Variants in BMP5 observed in about 807,000 individuals in gnomAD.
BMP5 encodes bone morphogenetic protein 5.
A neutral mutation model predicts 46.6 loss-of-function variants in BMP5; 23 were observed. The observed-to-expected ratio is 0.49, with a 90% confidence interval of 0.35 to 0.70. The LOEUF (loss-of-function observed/expected upper bound fraction) is 0.70. Among genes scored for constraint, BMP5 ranks in the 30% least tolerant of loss-of-function variants. The pLI, the probability that BMP5 is intolerant of heterozygous loss-of-function variation, is 0.00. For missense variants in BMP5, 545 were observed against 565.6 expected, an observed-to-expected ratio of 0.96 and a Z score of 0.37; for synonymous variants, 204 against 191.9, an observed-to-expected ratio of 1.06 and a Z score of -0.52.
chr6:55,785,229 C>T (rs1266690736), intron 3 of BMP5, among the ~76,000 whole-genome samples: 6 of 151,484 alleles, frequency 4.0e-5, no homozygotes, highest in African/African-American at 9.7e-5. Flanking sequence ...CTGAAATCAG[C>T]GTATAAAAAA....
intron 3 of BMP5, among the ~76,000 whole-genome samples, chr6:55,790,909 C>G (rs1582067173): frequency 6.6e-6 from 1 of 152,010 alleles, no homozygotes; most frequent in Admixed American, 6.5e-5. Context: ...TTTGTTATTT[C>G]TAAAATTAGC....
At chr6:55,824,572 C>A (rs1417592861) in intron 1 of BMP5, among the ~76,000 whole-genome samples, 1 of 151,804 alleles carries the variant, frequency 6.6e-6, no homozygotes, top group Admixed American at 6.6e-5. Context: ...TTAAGCCAGA[C>A]CCAGACTTGT....
At chr6:55,838,625 C>T (rs960527919) in intron 1 of BMP5, among the ~76,000 whole-genome samples, 1 of 152,052 alleles carries the variant, frequency 6.6e-6, no homozygotes, top group Admixed American at 6.6e-5. Flanking sequence ...TTTTCCCTTG[C>T]TGTGCAGAAG....
Position 55,871,704 on chromosome 6 carries a change from G to A in BMP5, c.490+2672C>T, listed in dbSNP as rs146027834. ...GAAAAAAGAATTTCTGAATGGCAAGGTACCTGTGGAAAATCCATTATTTGA... is the reference window on the plus strand; with the variant it reads ...GAAAAAAGAATTTCTGAATGGCAAGATACCTGTGGAAAATCCATTATTTGA... On this transcript the variant is annotated intron_variant, in intron 1 of 6. Coordinates refer to ENST00000370830, the MANE Select transcript of BMP5 (RefSeq NM_021073.4). Among the ~76,000 whole-genome samples, 349 of 151,790 alleles carry A rather than the reference G, an allele frequency of 2.3e-3. 2 individuals carry two copies. The highest frequency in any genetic ancestry group is 7.7e-3 in the African/African-American group (319 of 41,496).
chr6:55,855,100 A>T (rs1777354188), intron 1 of BMP5, among the ~76,000 whole-genome samples: 1 of 152,052 alleles, frequency 6.6e-6, no homozygotes, highest in African/African-American at 2.4e-5. Context: ...AACTACCAAT[A>T]TTGTTTACCT....
intron 1 of BMP5, among the ~76,000 whole-genome samples, chr6:55,821,160 G>C (rs974269081): frequency 6.6e-6 from 1 of 152,104 alleles, no homozygotes; most frequent in African/African-American, 2.4e-5. Flanking sequence ...GCGGAGACAA[G>C]GCTGCTAGAA....
intron 1 of BMP5, among the ~76,000 whole-genome samples, chr6:55,868,891 G>T (rs1369321575): frequency 1.3e-5 from 2 of 152,170 alleles, no homozygotes; most frequent in Non-Finnish European, 2.9e-5. Context: ...GGATATCTTA[G>T]CCAAGGGTAT....
At chr6:55,808,084 G>A (rs1179825730) in intron 2 of BMP5, among the ~76,000 whole-genome samples, 1 of 152,194 alleles carries the variant, frequency 6.6e-6, no homozygotes, top group African/African-American at 2.4e-5. Flanking sequence ...CCAGAGGAAA[G>A]ACTAAGTCTG....
At chr6:55,802,392 T>C (rs933341726) in intron 2 of BMP5, among the ~76,000 whole-genome samples, 1 of 152,098 alleles carries the variant, frequency 6.6e-6, no homozygotes, top group East Asian at 1.9e-4. Flanking sequence ...ATATGAGTAA[T>C]GAGGAGTATG....
intron 1 of BMP5, among the ~76,000 whole-genome samples, chr6:55,866,620 CT>C (rs1162835061): frequency 2.4e-4 from 36 of 152,112 alleles, no homozygotes; most frequent in African/African-American, 8.0e-4. Flanking sequence ...ATATATTCTT[CT>C]CGTTCCCATA....
chr6:55,858,571 T>C (rs938097855), intron 1 of BMP5, among the ~76,000 whole-genome samples: 67 of 152,234 alleles, frequency 4.4e-4, no homozygotes, highest in African/African-American at 1.6e-3. Context: ...AAATACATAA[T>C]ATTAATTCAG....
In BMP5 at chr6:55,754,013, A is replaced by T. The variant is rs530879255; in HGVS notation, c.*1520T>A. The T allele has an allele frequency of 6.6e-6, 1 of 152,096 alleles. No homozygotes were observed. The highest frequency in any genetic ancestry group is 1.9e-4 in the East Asian group (1 of 5,154). 9.4% of individuals were successfully genotyped at this position (152,096 alleles called of 1,614,324 possible). On this transcript the variant is annotated 3_prime_UTR_variant, in exon 7 of 7. Transcript: ENST00000370830. ...TATAGTTACTGTCAAATTTTCTTTA[A>T]GATAAACTGTATTTCAAAACAACAT...
At chr6:55,834,423 A>T (rs1776738881) in intron 1 of BMP5, among the ~76,000 whole-genome samples, 1 of 152,146 alleles carries the variant, frequency 6.6e-6, no homozygotes, top group South Asian at 2.1e-4. Flanking sequence ...TGTATGTAAC[A>T]TGCCTTGCCT....
At chr6:55,823,749 G>A (rs1776464151) in intron 1 of BMP5, among the ~76,000 whole-genome samples, 1 of 151,756 alleles carries the variant, frequency 6.6e-6, no homozygotes, top group Non-Finnish European at 1.5e-5. Context: ...CCTTTATGAT[G>A]CTCCCATAAT....
intron 2 of BMP5, among the ~76,000 whole-genome samples, chr6:55,816,279 A>C (rs1776267796): frequency 6.6e-6 from 1 of 152,086 alleles, no homozygotes; most frequent in South Asian, 2.1e-4. Context: ...GCTGAGGATA[A>C]AAATAAATAA....
At chr6:55,778,661 TAAAG>T (rs1461377654) in intron 3 of BMP5, among the ~76,000 whole-genome samples, 2 of 152,084 alleles carry the variant, frequency 1.3e-5, no homozygotes, top group Non-Finnish European at 2.9e-5. Context: ...ACCAGAATCA[TAAAG>T]AAACAATTTG....
intron 1 of BMP5, among the ~76,000 whole-genome samples, chr6:55,822,855 AT>A (rs1459565560): frequency 6.6e-6 from 1 of 152,140 alleles, no homozygotes; most frequent in Non-Finnish European, 1.5e-5. Context: ...GTTTAATAAA[AT>A]TTTATATTAA....
At chr6:55,807,692 GT>G (rs199536880) in intron 2 of BMP5, among the ~76,000 whole-genome samples, 1 of 151,588 alleles carries the variant, frequency 6.6e-6, no homozygotes, top group East Asian at 1.9e-4. Context: ...TCTGGTCCTG[GT>G]TTTTTTTCGG....
intron 4 of BMP5, chr6:55,772,861 C>T (rs1775079581): frequency 1.0e-6 from 1 of 985,068 alleles, no homozygotes; most frequent in Non-Finnish European, 1.2e-6. Flanking sequence ...CTGGTGCCTA[C>T]CCTTTAGGAA....
Sources: allele counts gnomAD v4.1 joint callset (sites outside exome capture counted in the v4.1 genomes callset), GRCh38; gene constraint gnomAD v4.1.1; transcripts MANE v1.5; gene names NCBI Gene and HGNC (gene_info 2026-07-23, HGNC 2026-07-21).